The following RYR2 variants were observed in gnomAD, a reference collection of about 807,000 sequenced individuals.
RYR2 encodes the protein cardiac muscle ryanodine receptor-calcium release channel.
A neutral mutation model predicts 601.1 loss-of-function variants in RYR2; 227 were observed. The ratio of observed to expected loss-of-function variants is 0.38; its 90% confidence interval spans 0.34 to 0.42. The LOEUF (loss-of-function observed/expected upper bound fraction) is 0.42. Ranked by LOEUF, RYR2 falls within the 10% of genes least tolerant of loss-of-function variation. RYR2 has a pLI of 1.00. For synonymous variants in RYR2, 2,223 were observed against 2,175.1 expected (o/e 1.02, Z -0.61); for missense variants, 4,646 against 6,156.5 (o/e 0.75, Z 8.21).
chr1:237,614,149 A>G lies in RYR2; in HGVS notation c.5021A>G (p.His1674Arg), dbSNP rs771414167. The change falls in exon 37 of 105, where the codon CAT (histidine) becomes CGT (arginine). Residue 1674 changes from histidine to arginine, a missense_variant. This residue lies in a region of RYR2 where 1,807 missense variants were observed against 2,088.1 expected (regional missense o/e 0.87). Transcript: ENST00000366574. This position sits in a 1 kb window ranked among gnomAD's most constrained non-coding sequence, Gnocchi z 4.3. Reference protein sequence around the residue: ...VCALGNHRVAHALCSHVDEPQ... With the variant: ...VCALGNHRVARALCSHVDEPQ... ...GCTCTTGGGAACCACCGGGTGGCCC[A>G]TGCCCTGTGCAGCCATGTGGATGAA... 46 of 1,613,922 alleles carry G rather than the reference A, an allele frequency of 2.9e-5. No homozygotes were observed. The highest frequency in any genetic ancestry group is 5.0e-5 in the Admixed American group (3 of 60,012).
chr1:237,532,909 C>T (rs1056981609), intron 25 of RYR2, among the ~76,000 whole-genome samples: 1 of 152,114 alleles, frequency 6.6e-6, no homozygotes, highest in African/African-American at 2.4e-5. Context: ...TCTGTTGAAA[C>T]AAATGGGTTA....
chr1:237,655,835 A>G lies in RYR2; in HGVS notation c.7980A>G (p.Glu2660=), dbSNP rs755495940. The G allele has an allele frequency of 6.3e-7, 1 of 1,597,308 alleles. No homozygotes were observed. Among genetic ancestry groups the G allele is most frequent in the South Asian group, 1.1e-5 (1 of 87,444 alleles). ...ATTTTTCCCAGAAATATGAACAAGA[A>G]CTTTTCAAACTGGCACTGCCTTGCC... is the stretch of plus-strand genomic sequence containing the variant. The part of the protein sequence containing the change: ...DALSQKKYEQ[E]LFKLALPCLS... Residue 2660 remains glutamate, a synonymous_variant, in exon 53 of 105, where the codon GAA becomes GAG. Transcript: ENST00000366574.
intron 1 of RYR2, among the ~76,000 whole-genome samples, chr1:237,203,466 A>G (rs1681423422): frequency 1.3e-5 from 2 of 152,218 alleles, no homozygotes; most frequent in Admixed American, 1.3e-4. Context: ...AGAAAGTTTT[A>G]CAATATGTCT....
Position 237,733,765 on chromosome 1 carries a change from G to C in RYR2, c.11091+9G>C. The C allele has an allele frequency of 6.4e-7, 1 of 1,562,416 alleles. No individual in the cohort carries two copies. Among genetic ancestry groups the C allele is most frequent in the Middle Eastern group, 1.7e-4 (1 of 5,964 alleles). On this transcript the variant is annotated intron_variant, in intron 79 of 104. Coordinates refer to ENST00000366574, the MANE Select transcript of RYR2 (RefSeq NM_001035.3). ...CAGATATTATGGCAAAGGTAAATAA[G>C]TATCCTTCCTGATTTTCATGTTTAA...
intron 1 of RYR2, among the ~76,000 whole-genome samples, chr1:237,123,352 C>T (rs1404513711): frequency 6.6e-6 from 1 of 152,076 alleles, no homozygotes; most frequent in Non-Finnish European, 1.5e-5. Context: ...TTTGGGAGGC[C>T]AAGGCTGGAG....
intron 2 of RYR2, among the ~76,000 whole-genome samples, chr1:237,295,970 T>C (rs796354105): frequency 3.3e-5 from 5 of 152,292 alleles, no homozygotes; most frequent in African/African-American, 1.2e-4. Flanking sequence ...TAGTGATGCA[T>C]GTCATGGAGA....
At chr1:237,434,282 A>G (rs1707130611) in intron 12 of RYR2, among the ~76,000 whole-genome samples, 1 of 152,246 alleles carries the variant, frequency 6.6e-6, no homozygotes, top group South Asian at 2.1e-4. Context: ...TGTCTTTGAC[A>G]GTAATGTGAA....
chr1:237,213,460 G>A (rs1489211618), intron 1 of RYR2, among the ~76,000 whole-genome samples: 2 of 152,188 alleles, frequency 1.3e-5, no homozygotes, highest in Admixed American at 1.3e-4. Context: ...TTACAGGTGT[G>A]AGCCATTGCG....
chr1:237,821,835 C>T (rs1662538736), intron 101 of RYR2, among the ~76,000 whole-genome samples: 1 of 151,512 alleles, frequency 6.6e-6, no homozygotes, highest in Non-Finnish European at 1.5e-5. Context: ...ACATAAATGA[C>T]CTGATGGAGC....
intron 5 of RYR2, among the ~76,000 whole-genome samples, chr1:237,368,798 C>CGTTTGTTT (rs539636248): frequency 0.014 from 1,895 of 137,844 alleles, 14 homozygotes; most frequent in Admixed American, 0.018. Flanking sequence ...GTTGAATCAA[C>CGTTTGTTT]GTTTATTTAT....
intron 12 of RYR2, among the ~76,000 whole-genome samples, chr1:237,427,619 C>A (rs1421614678): frequency 6.6e-6 from 1 of 151,554 alleles, no homozygotes; most frequent in African/African-American, 2.4e-5. Flanking sequence ...CCTGTCTCTA[C>A]TAAAAATACA....
At chr1:237,761,080 A>C in intron 84 of RYR2, 52 bp downstream of exon 84, 1 of 1,038,914 alleles carries the variant, frequency 9.6e-7, no homozygotes, top group Non-Finnish European at 1.5e-6. Flanking sequence ...CCTCCCTGAA[A>C]CGAGTCAATT....
intron 76 of RYR2, among the ~76,000 whole-genome samples, chr1:237,728,457 C>G (rs899515935): frequency 6.6e-6 from 1 of 152,136 alleles, no homozygotes; most frequent in African/African-American, 2.4e-5. Flanking sequence ...GATTATAAAT[C>G]ATTCTACTAT....
chr1:237,074,785 C>G (rs1664799016), intron 1 of RYR2, among the ~76,000 whole-genome samples: 1 of 152,124 alleles, frequency 6.6e-6, no homozygotes, highest in Non-Finnish European at 1.5e-5. Flanking sequence ...AGAGATGATT[C>G]AGGCGATGTT....
intron 80 of RYR2, among the ~76,000 whole-genome samples, chr1:237,751,594 T>A (rs138381132): frequency 1.3e-5 from 2 of 152,350 alleles, no homozygotes; most frequent in African/African-American, 4.8e-5. Flanking sequence ...GTGTATATAA[T>A]ATTGGAAGAA....
chr1:237,456,314 A>C (rs1420215678), intron 15 of RYR2, among the ~76,000 whole-genome samples: 1 of 152,222 alleles, frequency 6.6e-6, no homozygotes, highest in East Asian at 1.9e-4. Context: ...GTCACTTAAC[A>C]ATAGAAGGCC....
chr1:237,479,384 A>G (rs769200739), intron 17 of RYR2, among the ~76,000 whole-genome samples: 1 of 152,132 alleles, frequency 6.6e-6, no homozygotes, highest in Non-Finnish European at 1.5e-5. Flanking sequence ...CAACTAGACT[A>G]TTCTATGCAC....
chr1:237,223,496 A>G (rs1395121399), intron 1 of RYR2, among the ~76,000 whole-genome samples: 1 of 152,258 alleles, frequency 6.6e-6, no homozygotes, highest in African/African-American at 2.4e-5. Flanking sequence ...CTTATGACAA[A>G]GATCTCTGAC....
intron 2 of RYR2, among the ~76,000 whole-genome samples, chr1:237,293,748 T>C (rs1692475033): frequency 1.3e-5 from 2 of 152,196 alleles, no homozygotes; most frequent in African/African-American, 2.4e-5. Context: ...AGAGCTCCCA[T>C]GTCCTGTCCA....
Sources: allele counts gnomAD v4.1 joint callset (sites outside exome capture counted in the v4.1 genomes callset), GRCh38; gene constraint gnomAD v4.1.1; regional missense constraint gnomAD v4.1.1; non-coding constraint Gnocchi (gnomAD v3.1); transcripts MANE v1.5; gene names NCBI Gene and HGNC (gene_info 2026-07-23, HGNC 2026-07-21).